The following SNTG2 variants were observed in gnomAD, a reference collection of about 807,000 sequenced individuals.
SNTG2 encodes gamma-2-syntrophin.
Under a neutral mutation model 70.9 loss-of-function variants are expected in SNTG2, and 74 were observed. The ratio of observed to expected loss-of-function variants is 1.04; its 90% CI spans 0.86 to 1.27. The LOEUF (loss-of-function observed/expected upper bound fraction) is 1.27. SNTG2 is among the 50% of genes most tolerant of loss of function. The pLI, the probability that SNTG2 is intolerant of heterozygous loss-of-function variation, is 0.00. For synonymous variants in SNTG2, 278 were observed against 273.8 expected (o/e 1.02, Z -0.15); for missense variants, 717 against 690.7 (o/e 1.04, Z -0.43).
chr2:1,168,189 T>C (rs61066217), intron 7 of SNTG2, among the ~76,000 whole-genome samples: 993 of 86,392 alleles, frequency 0.011, 54 homozygotes, highest in African/African-American at 0.047. Context: ...GCCTAGAAGC[T>C]GCCCACAGAC....
At position 1,209,300 on chromosome 2, in the gene SNTG2, G is replaced by A. The variant is rs546862872; in HGVS notation, c.719+70G>A. The A allele has an allele frequency of 8.6e-5, 136 of 1,587,310 alleles. No individual in the cohort carries two copies. In the African/African-American group the frequency reaches 1.2e-3, roughly 14 times the overall value. On this transcript the variant is annotated intron_variant, in intron 9 of 16. Transcript: ENST00000308624. ...GCACTTTTGCCAGTTCCTACAGGCC[G>A]CTGGTTACTCCAGAGCGCTTGACTG...
In SNTG2 at chr2:950,945, C is replaced by G; in HGVS notation, c.-52C>G. 1.0e-6 allele frequency: 1 copy of G among 991,418 alleles called. No individual in the cohort carries two copies. The highest frequency in any genetic ancestry group is 1.3e-6 in the Non-Finnish European group (1 of 776,674). 61.4% of individuals were successfully genotyped at this position (991,418 alleles called of 1,614,324 possible). A position where few individuals can be genotyped will look rare whatever the true frequency, so the allele number is the denominator to read the frequency against. The stretch of plus-strand genomic sequence containing the variant: ...GGCCCTGGGAGGCTCGGACGGGGTC[C>G]TGGCGTTGAGCTCGGCCGGCCCGGA... On this transcript the variant is annotated 5_prime_UTR_variant, in exon 1 of 17. Coordinates refer to ENST00000308624, the MANE Select transcript of SNTG2 (RefSeq NM_018968.4).
At chr2:1,250,945 A>C (rs979721822) in intron 12 of SNTG2, among the ~76,000 whole-genome samples, 13 of 152,166 alleles carry the variant, frequency 8.5e-5, no homozygotes, top group African/African-American at 2.9e-4. Flanking sequence ...TTCCTAGAAC[A>C]TGATTGTTTT....
At chr2:1,114,702 T>A (rs114453804) in intron 4 of SNTG2, among the ~76,000 whole-genome samples, 1,569 of 147,000 alleles carry the variant, frequency 0.011, 24 homozygotes, top group African/African-American at 0.038. Flanking sequence ...TGTGTACTCA[T>A]GTTTAACCCC....
intron 1 of SNTG2, among the ~76,000 whole-genome samples, chr2:1,053,381 CAT>C (rs1181887830): frequency 1.3e-5 from 2 of 151,956 alleles, no homozygotes; most frequent in African/African-American, 2.4e-5. Flanking sequence ...ACTTTAATAA[CAT>C]ATAATTTTGT....
chr2:1,240,905 C>G (rs1394337834), intron 11 of SNTG2, among the ~76,000 whole-genome samples: 3 of 152,054 alleles, frequency 2.0e-5, no homozygotes, highest in African/African-American at 7.2e-5. Context: ...ATATAGGATT[C>G]ATTTCATATT....
chr2:1,351,782 G>T (rs1455160376), intron 16 of SNTG2, among the ~76,000 whole-genome samples: 2 of 152,164 alleles, frequency 1.3e-5, no homozygotes, highest in African/African-American at 4.8e-5. Flanking sequence ...CTCTGACCTG[G>T]TTGTTCCAGG....
At chr2:1,183,029 A>T (rs541339603) in intron 8 of SNTG2, among the ~76,000 whole-genome samples, 1 of 152,344 alleles carries the variant, frequency 6.6e-6, no homozygotes, top group African/African-American at 2.4e-5. Flanking sequence ...TGCTGGAATT[A>T]CAGGCATGAG....
intron 6 of SNTG2, among the ~76,000 whole-genome samples, chr2:1,143,821 A>G (rs377144284): frequency 6.7e-5 from 10 of 150,044 alleles, no homozygotes; most frequent in South Asian, 4.3e-4. Context: ...TGCAGTGAGC[A>G]GAGATCATGC....
intron 1 of SNTG2, among the ~76,000 whole-genome samples, chr2:1,083,110 A>C (rs1320916666): frequency 2.0e-5 from 3 of 152,036 alleles, no homozygotes; most frequent in Non-Finnish European, 4.4e-5. Flanking sequence ...CAGGCCAACA[A>C]ACCTTCACAC....
At chr2:1,331,270 A>G (rs1659515188) in intron 16 of SNTG2, among the ~76,000 whole-genome samples, 1 of 152,198 alleles carries the variant, frequency 6.6e-6, no homozygotes, top group South Asian at 2.1e-4. Context: ...ATTGGTCCCA[A>G]ATGAAATGAC....
chr2:1,240,575 T>A (rs949999417), intron 11 of SNTG2, among the ~76,000 whole-genome samples: 4 of 152,226 alleles, frequency 2.6e-5, no homozygotes, highest in Non-Finnish European at 5.9e-5. Flanking sequence ...TTAAGAAAAC[T>A]GAGAAAAACA....
chr2:981,479 G>A (rs897529952), intron 1 of SNTG2, among the ~76,000 whole-genome samples: 1 of 150,296 alleles, frequency 6.7e-6, no homozygotes, highest in Non-Finnish European at 1.5e-5. Context: ...GCTCACACAT[G>A]CACATGAGTG....
chr2:1,063,792 G>T (rs1004973409), intron 1 of SNTG2, among the ~76,000 whole-genome samples: 2 of 152,186 alleles, frequency 1.3e-5, no homozygotes, highest in East Asian at 1.9e-4. Flanking sequence ...ATTAAATAAA[G>T]AAAAAACTTT....
At chr2:1,161,902 G>A (rs4971367) in intron 6 of SNTG2, among the ~76,000 whole-genome samples, 117,655 of 151,512 alleles carry the variant, frequency 0.78, 46,774 homozygotes, top group Non-Finnish European at 0.88. Flanking sequence ...GTGAAACCCC[G>A]TCTCTACTAA....
intron 16 of SNTG2, among the ~76,000 whole-genome samples, chr2:1,347,507 A>G (rs905652213): frequency 1.3e-5 from 2 of 152,242 alleles, no homozygotes; most frequent in Non-Finnish European, 2.9e-5. Context: ...CTTAAAGACC[A>G]CAACATCATC....
chr2:1,036,253 A>C (rs978459114), intron 1 of SNTG2, among the ~76,000 whole-genome samples: 1 of 151,534 alleles, frequency 6.6e-6, no homozygotes, highest in Non-Finnish European at 1.5e-5. Context: ...TTTGTTCTTT[A>C]TTTCTTTCTT....
At chr2:1,042,535 C>G (rs931840309) in intron 1 of SNTG2, among the ~76,000 whole-genome samples, 1 of 152,166 alleles carries the variant, frequency 6.6e-6, no homozygotes, top group Admixed American at 6.5e-5. Flanking sequence ...TCTCCACCCT[C>G]AAGTAAGACC....
chr2:1,130,846 A>C (rs1054007092), intron 4 of SNTG2, among the ~76,000 whole-genome samples: 1 of 152,222 alleles, frequency 6.6e-6, no homozygotes, highest in Non-Finnish European at 1.5e-5. Flanking sequence ...AAGTCTGTTG[A>C]AACTTAGGCG....
Sources: gnomAD v4.1 joint callset for allele counts (sites outside exome capture counted in the v4.1 genomes callset) on GRCh38, gnomAD v4.1.1 for gene constraint, MANE v1.5 for transcripts, NCBI Gene and HGNC (gene_info 2026-07-23, HGNC 2026-07-21) for gene names.